SDK2: variants seen among roughly 807,000 people sequenced by gnomAD.
SDK2 encodes the protein protein sidekick-2.
In SDK2, 105 loss-of-function variants were observed where a neutral mutation model predicts 253.9. That is an observed-to-expected ratio of 0.41 (90% CI 0.35 to 0.49). The LOEUF (loss-of-function observed/expected upper bound fraction) is 0.49, where lower values mean the gene tolerates loss of function less well. Ranked by LOEUF, SDK2 falls within the 20% of genes least tolerant of loss-of-function variation. SDK2 has a pLI of 0.06. For missense variants in SDK2, 2,608 were observed against 3,003.0 expected (o/e 0.87, Z 3.07); for synonymous variants, 1,249 against 1,234.9 (o/e 1.01, Z -0.24).
Position 73,379,698 on chromosome 17 carries a change from G to A in SDK2, c.4763-149C>T. On this transcript the variant is annotated intron_variant, in intron 34 of 44. Transcript: ENST00000392650. The surrounding 1 kb of genome is among the most constrained non-coding windows in gnomAD (Gnocchi z 4.5). ...TGTGAAGGTGCATGAAGGAGGAGGT[G>A]AGAGGCGGGGCCCCCAGGGGACGCT... 1 of 607,802 alleles carries A rather than the reference G, an allele frequency of 1.6e-6. No individual in the cohort carries two copies. The highest frequency in any genetic ancestry group is 2.8e-5 in the East Asian group (1 of 35,694). The allele number at this position is 607,802 out of a possible 1,614,324, so 37.7% of individuals were successfully genotyped here.
chr17:73,442,978 C>T (rs1035965894), intron 5 of SDK2, among the ~76,000 whole-genome samples: 2 of 151,746 alleles, frequency 1.3e-5, no homozygotes, highest in African/African-American at 2.4e-5. Context: ...CTCCAATATT[C>T]TGTGTATGCC....
At chr17:73,544,072 G>A (rs562455871) in intron 1 of SDK2, among the ~76,000 whole-genome samples, 9 of 152,334 alleles carry the variant, frequency 5.9e-5, no homozygotes, top group East Asian at 5.8e-4. Flanking sequence ...ATAGTTTCAC[G>A]TGGCCAAAAG....
intron 3 of SDK2, among the ~76,000 whole-genome samples, chr17:73,471,140 C>T (rs1251859888): frequency 6.6e-6 from 1 of 152,290 alleles, no homozygotes; most frequent in South Asian, 2.1e-4. Context: ...CCTCCCACTT[C>T]ACTCTCTGCC....
At position 73,352,646 on chromosome 17, in the gene SDK2, G is replaced by A. The variant is rs201219749; in HGVS notation, c.5594-9C>T. On this transcript the variant is annotated splice_polypyrimidine_tract_variant and intron_variant, in intron 40 of 44. Coordinates refer to ENST00000392650, the MANE Select transcript of SDK2 (RefSeq NM_001144952.2). This position sits in a 1 kb window ranked among gnomAD's most constrained non-coding sequence, Gnocchi z 4.1. ...GTCCCATAGTCCCTCGTCTGCAGGA[G>A]CACAGAGATGGAGGCCCTGGGAGGT... 2.1e-5 allele frequency: 34 copies of A among 1,613,102 alleles called. No homozygotes were observed. The highest frequency in any genetic ancestry group is 2.2e-5 in the East Asian group (1 of 44,888).
At chr17:73,590,514 T>C (rs573011312) in intron 1 of SDK2, among the ~76,000 whole-genome samples, 1 of 152,332 alleles carries the variant, frequency 6.6e-6, no homozygotes, top group African/African-American at 2.4e-5. Flanking sequence ...CTGGCCTAAG[T>C]AGTCTTTAAC....
At chr17:73,396,127 C>T (rs2145510321) in intron 24 of SDK2, among the ~76,000 whole-genome samples, 1 of 152,288 alleles carries the variant, frequency 6.6e-6, no homozygotes, top group East Asian at 1.9e-4. Flanking sequence ...CATCTGCTCG[C>T]CTCGGCCTCC....
At chr17:73,350,877 T>C in intron 41 of SDK2, 87 bp from the exon 42 acceptor site, 4 of 1,406,126 alleles carry the variant, frequency 2.8e-6, no homozygotes, top group Non-Finnish European at 3.8e-6. Context: ...TACTAACTGC[T>C]ACAATCTATG....
chr17:73,559,605 G>A (rs58487277), intron 1 of SDK2, among the ~76,000 whole-genome samples: 1,019 of 91,846 alleles, frequency 0.011, 30 homozygotes, highest in African/African-American at 0.03. Context: ...TGTGCCCCCC[G>A]CCCCCGCCAC....
chr17:73,495,967 A>C (rs556733937), intron 2 of SDK2, among the ~76,000 whole-genome samples: 2 of 152,354 alleles, frequency 1.3e-5, no homozygotes, highest in South Asian at 4.1e-4. Context: ...TTCAATTTTC[A>C]GACAAGATGT....
At chr17:73,347,395 C>T (rs1312959335) in intron 44 of SDK2, among the ~76,000 whole-genome samples, 2 of 152,182 alleles carry the variant, frequency 1.3e-5, no homozygotes, top group Admixed American at 6.5e-5. Context: ...TTGTCCCCCA[C>T]AATAAGTTCC....
chr17:73,345,716 C>G (rs1480180772), intron 44 of SDK2, among the ~76,000 whole-genome samples: 3 of 152,016 alleles, frequency 2.0e-5, no homozygotes, highest in Non-Finnish European at 4.4e-5. Flanking sequence ...GGCTTGTTGT[C>G]AGGGGTGGGG....
At chr17:73,385,802 G>GCTCGT in intron 32 of SDK2, 45 bp downstream of exon 32, 1 of 1,529,774 alleles carries the variant, frequency 6.5e-7, no homozygotes, top group East Asian at 2.4e-5. Context: ...CCAGAGCAGA[G>GCTCGT]CTCGTCTGGG....
intron 36 of SDK2, among the ~76,000 whole-genome samples, chr17:73,370,391 C>T (rs1295499652): frequency 6.6e-6 from 1 of 152,044 alleles, no homozygotes; most frequent in Non-Finnish European, 1.5e-5. Context: ...TACAGGTGTG[C>T]ACCACCACAC....
At chr17:73,535,174 C>A (rs760917475) in intron 1 of SDK2, among the ~76,000 whole-genome samples, 1 of 152,242 alleles carries the variant, frequency 6.6e-6, no homozygotes, top group Non-Finnish European at 1.5e-5. Flanking sequence ...CAGCAGGGGG[C>A]TGCCCTCTCT....
rs749377360 is a variant in SDK2 at position 73,414,692 on chromosome 17, CCAGGTGAAGCG to C, written c.2425_2435del (p.Arg809GlufsTer36). On this transcript the variant is annotated frameshift_variant, in exon 18 of 45. Transcript: ENST00000392650. LOFTEE classifies it high-confidence loss of function. ...TGATGAACTGGGGGCTGGGGGCGTT[CCAGGTGAAGCG>C]GATGGTCGTGGAATTGGTGGCTTCC... The C allele has an allele frequency of 6.2e-7, 1 of 1,613,906 alleles. No homozygotes were observed. The highest frequency in any genetic ancestry group is 8.5e-7 in the Non-Finnish European group (1 of 1,179,896).
intron 1 of SDK2, among the ~76,000 whole-genome samples, chr17:73,636,611 G>A (rs760864165): frequency 9.6e-5 from 14 of 146,158 alleles, no homozygotes; most frequent in Admixed American, 1.4e-4. Context: ...AACTTGGGAG[G>A]TGAAGGTTGC....
chr17:73,526,139 G>A (rs761074892), intron 1 of SDK2, among the ~76,000 whole-genome samples: 5 of 152,204 alleles, frequency 3.3e-5, no homozygotes, highest in East Asian at 1.9e-4. Flanking sequence ...TGGGGCAGTC[G>A]GGAACACTCA....
At chr17:73,381,702 C>A (rs111501653) in intron 33 of SDK2, among the ~76,000 whole-genome samples, 6 of 149,500 alleles carry the variant, frequency 4.0e-5, no homozygotes, top group African/African-American at 1.5e-4. Flanking sequence ...GTCAGGAGTT[C>A]GAGACGAGCC....
At chr17:73,632,132 T>G (rs1311173923) in intron 1 of SDK2, among the ~76,000 whole-genome samples, 3 of 152,268 alleles carry the variant, frequency 2.0e-5, no homozygotes, top group Admixed American at 1.3e-4. Flanking sequence ...AGGCCAGCCA[T>G]AGCAGATAGG....
Sources: allele counts gnomAD v4.1 joint callset (sites outside exome capture counted in the v4.1 genomes callset), GRCh38; gene constraint gnomAD v4.1.1; non-coding constraint Gnocchi (gnomAD v3.1); transcripts MANE v1.5; gene names NCBI Gene and HGNC (gene_info 2026-07-23, HGNC 2026-07-21).